Variants in SLC12A9 observed in about 807,000 individuals in gnomAD.
SLC12A9 encodes CCC-interacting protein 1.
In SLC12A9, 55 loss-of-function variants were observed where a neutral mutation model predicts 66.0. The observed-to-expected ratio is 0.83, with a 90% CI of 0.67 to 1.04. The LOEUF is 1.04. Ranked by LOEUF, SLC12A9 falls within the 50% of genes least tolerant of loss-of-function variation. The probability of loss-of-function intolerance (pLI) is 0.00; values close to 1 mark genes in which losing one functional copy is unlikely to be tolerated. For synonymous variants in SLC12A9, 577 were observed against 569.0 expected, an observed-to-expected ratio of 1.01 and a Z score of -0.20; for missense variants, 1,061 against 1,241.9, an observed-to-expected ratio of 0.85 and a Z score of 2.19.
intron 1 of SLC12A9, among the ~76,000 whole-genome samples, chr7:100,836,392 G>A (rs1813660558): frequency 6.6e-6 from 1 of 152,230 alleles, no homozygotes; most frequent in South Asian, 2.1e-4. Context: ...GGGCCCCAGA[G>A]GAGATGACGC....
upstream of SLC12A9, among the ~76,000 whole-genome samples, chr7:100,849,119 G>A (rs1813998800): frequency 6.6e-6 from 1 of 151,784 alleles, no homozygotes; most frequent in African/African-American, 2.4e-5. Flanking sequence ...TAGAGATGGG[G>A]TTTCACCATG....
intron 1 of SLC12A9, among the ~76,000 whole-genome samples, chr7:100,836,728 CGA>C (rs1022503216): frequency 1.4e-4 from 22 of 152,160 alleles, no homozygotes; most frequent in African/African-American, 4.8e-4. Context: ...CCTCTCTTCC[CGA>C]GAGTCTTTTG....
intron 1 of SLC12A9, among the ~76,000 whole-genome samples, chr7:100,839,538 C>T (rs954708230): frequency 5.9e-5 from 9 of 152,202 alleles, no homozygotes; most frequent in South Asian, 2.1e-4. Flanking sequence ...TTAAGCCTGC[C>T]GTGTGGAACA....
intron 13 of SLC12A9, among the ~76,000 whole-genome samples, chr7:100,864,581 G>A (rs537297346): frequency 2.6e-5 from 4 of 151,992 alleles, no homozygotes; most frequent in African/African-American, 4.8e-5. Context: ...AATTAAGAAC[G>A]AAGAGCTTGT....
Position 100,856,865 on chromosome 7 carries a change from C to G in SLC12A9, c.449-3C>G. 6.3e-7 allele frequency: 1 copy of G among 1,584,292 alleles called. No homozygotes were observed. Among genetic ancestry groups the G allele is most frequent in the Non-Finnish European group, 8.6e-7 (1 of 1,166,976 alleles). On this transcript the variant is annotated splice_polypyrimidine_tract_variant and splice_region_variant and intron_variant, in intron 4 of 13. Coordinates refer to ENST00000354161, the MANE Select transcript of SLC12A9 (RefSeq NM_020246.4). ...TTCTAACTCTGTCCCTACCTCTCTCCAGATGCCACAGGGCCCAGTGGGCTC... is the reference window on the plus strand; with the variant it reads ...TTCTAACTCTGTCCCTACCTCTCTCGAGATGCCACAGGGCCCAGTGGGCTC...
chr7:100,850,641 T>G (rs1473612327), upstream of SLC12A9, among the ~76,000 whole-genome samples: 5 of 151,270 alleles, frequency 3.3e-5, no homozygotes, highest in Admixed American at 3.3e-4. Context: ...TCATGGGATC[T>G]TCCAGTTTCA....
upstream of SLC12A9, among the ~76,000 whole-genome samples, chr7:100,850,954 G>A (rs558398386): frequency 4.1e-4 from 62 of 152,028 alleles, no homozygotes; most frequent in Middle Eastern, 3.4e-3. Context: ...TCCTGACCTC[G>A]TGATCCACCC....
chr7:100,829,999 G>T (rs1057258974), intron 1 of SLC12A9, among the ~76,000 whole-genome samples: 1 of 151,938 alleles, frequency 6.6e-6, no homozygotes, highest in Admixed American at 6.6e-5. Flanking sequence ...CTGCACTCCA[G>T]CCTGGGCAAC....
At chr7:100,865,642 G>A (rs1163878942) in intron 13 of SLC12A9, 77 bp from the exon 14 acceptor site, 3 of 1,556,790 alleles carry the variant, frequency 1.9e-6, no homozygotes, top group African/African-American at 2.7e-5. Context: ...CTTGCTGTCA[G>A]TGTGTGGGAG....
rs1352442752 is a variant in SLC12A9 at position 100,854,727 on chromosome 7, G to A, written c.289G>A (p.Gly97Arg). The A allele has an allele frequency of 1.2e-6, 2 of 1,614,068 alleles. No homozygotes were observed. Among genetic ancestry groups the A allele is most frequent in the Non-Finnish European group, 1.7e-6 (2 of 1,180,016 alleles). ...CTCTGTCTGTGCCATCGCCACCAAT[G>A]GAGCCGTGCAGGGGGGCGGAGCCTA... ...VLSVCAIATN[G>R]AVQGGGAYFM... The change falls in exon 3 of 14, where the codon GGA becomes AGA. Residue 97 changes from glycine to arginine, a missense_variant. Gly to Arg is a moderately radical substitution (Grantham distance 125). Coordinates refer to ENST00000354161, the MANE Select transcript of SLC12A9 (RefSeq NM_020246.4).
At chr7:100,839,945 G>A (rs114346872) in intron 1 of SLC12A9, among the ~76,000 whole-genome samples, 2,490 of 147,556 alleles carry the variant, frequency 0.017, 62 homozygotes, top group African/African-American at 0.06. Context: ...GCGAGACTCC[G>A]TCTCAAAAAA....
upstream of SLC12A9, among the ~76,000 whole-genome samples, chr7:100,848,662 G>A (rs570927098): frequency 7.9e-5 from 12 of 152,144 alleles, no homozygotes; most frequent in African/African-American, 2.2e-4. Flanking sequence ...CAAGGCGGGC[G>A]GATCACGAGG....
chr7:100,828,551 C>CA (rs34743877), intron 1 of SLC12A9, among the ~76,000 whole-genome samples: 15,739 of 40,024 alleles, frequency 0.39, 2,447 homozygotes, highest in Non-Finnish European at 0.43. Context: ...GACGAAATCT[C>CA]AAAAAAAAAA....
At chr7:100,839,283 C>T (rs1813731851) in intron 1 of SLC12A9, among the ~76,000 whole-genome samples, 1 of 151,900 alleles carries the variant, frequency 6.6e-6, no homozygotes, top group African/African-American at 2.4e-5. Context: ...GAGATCACGC[C>T]ACTGCACTCC....
intron 1 of SLC12A9, among the ~76,000 whole-genome samples, chr7:100,840,845 C>T (rs1219539687): frequency 6.6e-6 from 1 of 152,060 alleles, no homozygotes; most frequent in African/African-American, 2.4e-5. Context: ...CTCCGTAACC[C>T]TGTAACACTC....
At chr7:100,859,550 C>G in intron 7 of SLC12A9, 1 of 373,308 alleles carries the variant, frequency 2.7e-6, no homozygotes, top group Non-Finnish European at 4.9e-6. Context: ...AGCCTCCCCC[C>G]AAATACAAAA....
At chr7:100,837,929 T>C (rs910998861) in intron 1 of SLC12A9, among the ~76,000 whole-genome samples, 1 of 146,620 alleles carries the variant, frequency 6.8e-6, no homozygotes, top group African/African-American at 2.6e-5. Flanking sequence ...GGCGTGATCT[T>C]CGCTCACTGC....
chr7:100,829,253 G>A (rs1361846768), intron 1 of SLC12A9, among the ~76,000 whole-genome samples: 2 of 152,146 alleles, frequency 1.3e-5, no homozygotes, highest in African/African-American at 4.8e-5. Context: ...CTCCCAAAGT[G>A]CTGGGATTAC....
chr7:100,858,707 TG>T, intron 5 of SLC12A9, 127 bp from the exon 6 acceptor site: 1 of 805,128 alleles, frequency 1.2e-6, no homozygotes, highest in Non-Finnish European at 2.0e-6. Flanking sequence ...AGGAACAGGC[TG>T]GGGTCTTAGT....
Sources: allele counts gnomAD v4.1 joint callset (sites outside exome capture counted in the v4.1 genomes callset), GRCh38; gene constraint gnomAD v4.1.1; transcripts MANE v1.5; gene names NCBI Gene and HGNC (gene_info 2026-07-23, HGNC 2026-07-21).